SPATA13: variants seen among roughly 807,000 people sequenced by gnomAD.
SPATA13 encodes spermatogenesis-associated protein 13.
A neutral mutation model predicts 104.0 loss-of-function variants in SPATA13; 50 were observed. That is an observed-to-expected ratio of 0.48 (90% CI 0.38 to 0.61). The LOEUF (loss-of-function observed/expected upper bound fraction) is 0.61, where lower values mean the gene tolerates loss of function less well. Ranked by LOEUF, SPATA13 falls within the 20% of genes least tolerant of loss-of-function variation. The pLI, the probability that SPATA13 is intolerant of heterozygous loss-of-function variation, is 0.00. For missense variants in SPATA13, 1,524 were observed against 1,690.6 expected (o/e 0.90, Z 1.73); for synonymous variants, 606 against 667.5 (o/e 0.91, Z 1.42).
intron 3 of SPATA13, among the ~76,000 whole-genome samples, chr13:24,046,473 T>C (rs11839477): frequency 0.06 from 8,501 of 142,142 alleles, 341 homozygotes; most frequent in South Asian, 0.12. Context: ...ATTGTAGGGA[T>C]GGAGTCTTGC....
chr13:24,210,107 GTTAT>G (rs1870930197), intron 1 of SPATA13, among the ~76,000 whole-genome samples: 1 of 152,108 alleles, frequency 6.6e-6, no homozygotes, highest in Admixed American at 6.5e-5. Flanking sequence ...TTGTGATTGA[GTTAT>G]TTGTTTATTG....
intron 3 of SPATA13, among the ~76,000 whole-genome samples, chr13:24,060,046 A>G (rs976431715): frequency 6.6e-6 from 1 of 152,202 alleles, no homozygotes; most frequent in African/African-American, 2.4e-5. Context: ...GAGAAGTTCC[A>G]ATGACATTCT....
chr13:24,078,702 T>G (rs2137774988), intron 3 of SPATA13, among the ~76,000 whole-genome samples: 1 of 152,334 alleles, frequency 6.6e-6, no homozygotes, highest in South Asian at 2.1e-4. Context: ...AGTCATACTC[T>G]TAAGTGCATA....
At chr13:24,004,708 A>G (rs12429015) in intron 2 of SPATA13, among the ~76,000 whole-genome samples, 24,436 of 152,154 alleles carry the variant, frequency 0.16, 2,619 homozygotes, top group East Asian at 0.52. Context: ...GAAAATTTAC[A>G]TTCCATACGA....
In SPATA13 at chr13:24,224,062, C is replaced by T. The variant is rs949034997; in HGVS notation, c.1133C>T (p.Ala378Val). Residue 378 changes from alanine (A) to valine (V), a missense_variant, in exon 2 of 13, where the codon GCG (alanine) becomes GTG (valine). Physicochemically the swap from Ala to Val is moderately conservative, Grantham distance 64. Coordinates refer to ENST00000382108, the MANE Select transcript of SPATA13 (RefSeq NM_001166271.3). ...GAGCAGGACAGCAGGCGGGGCGGGG[C>T]GGTCATGCATGGGACCACTGCAACC... Reference protein sequence around the residue: ...STEQDSRRGGAVMHGTTATCT... With the variant: ...STEQDSRRGGVVMHGTTATCT... 4 of 1,548,770 alleles carry T rather than the reference C, an allele frequency of 2.6e-6. No individual in the cohort carries two copies. Among genetic ancestry groups the T allele is most frequent in the Non-Finnish European group, 3.5e-6 (4 of 1,145,530 alleles).
intron 9 of SPATA13, 133 bp downstream of exon 9, chr13:24,291,017 T>C (rs1171185832): frequency 4.0e-5 from 28 of 691,880 alleles, no homozygotes; most frequent in Non-Finnish European, 6.1e-5. Flanking sequence ...GGAGAAGTTT[T>C]CAGGTTGTTT....
chr13:24,054,142 A>C (rs1027648340), intron 3 of SPATA13, among the ~76,000 whole-genome samples: 1 of 152,106 alleles, frequency 6.6e-6, no homozygotes, highest in African/African-American at 2.4e-5. Context: ...GAGTCAGGTC[A>C]AGGACACCAT....
chr13:24,066,311 A>G (rs1878962130), intron 3 of SPATA13, among the ~76,000 whole-genome samples: 1 of 152,014 alleles, frequency 6.6e-6, no homozygotes, highest in African/African-American at 2.4e-5. Context: ...ACCTCATTTC[A>G]CCTGACCCTC....
intron 8 of SPATA13, among the ~76,000 whole-genome samples, chr13:24,290,373 C>T (rs1215800523): frequency 6.6e-6 from 1 of 152,140 alleles, no homozygotes; most frequent in Non-Finnish European, 1.5e-5. Context: ...GAGCGTGAGG[C>T]AGGCTAGAAA....
At position 24,286,651 on chromosome 13, in the gene SPATA13, C is replaced by T; in HGVS notation, c.2482-114C>T. 1 of 1,047,942 alleles carries T rather than the reference C, an allele frequency of 9.5e-7. No individual in the cohort carries two copies. The highest frequency in any genetic ancestry group is 1.4e-6 in the Non-Finnish European group (1 of 731,196). The allele number at this position is 1,047,942 out of a possible 1,614,324, so 64.9% of individuals were successfully genotyped here. Reference sequence around the variant, plus strand: ...GAGGCCATGAGACTCAGGCGAGGGCCAGGCTGCCTTCCTAACAGGTCACAG... The same window carrying T: ...GAGGCCATGAGACTCAGGCGAGGGCTAGGCTGCCTTCCTAACAGGTCACAG... On this transcript the variant is annotated intron_variant, in intron 6 of 12. Transcript: ENST00000382108. This position sits in a 1 kb window ranked among gnomAD's most constrained non-coding sequence, Gnocchi z 4.9.
intron 4 of SPATA13, chr13:24,271,011 ACTCT>A (rs1874561615): frequency 1.1e-5 from 7 of 663,596 alleles, no homozygotes; most frequent in Admixed American, 2.3e-5. Context: ...CTCTCTCTCC[ACTCT>A]CTCTCACTCT....
At chr13:24,171,881 A>G (rs1882984314) in intron 1 of SPATA13, among the ~76,000 whole-genome samples, 1 of 152,228 alleles carries the variant, frequency 6.6e-6, no homozygotes, top group Non-Finnish European at 1.5e-5. Flanking sequence ...TTAAGGCAGT[A>G]TATAATTGTA....
chr13:24,210,950 C>T (rs1163487648), intron 1 of SPATA13, among the ~76,000 whole-genome samples: 1 of 151,984 alleles, frequency 6.6e-6, no homozygotes, highest in Admixed American at 6.6e-5. Context: ...GTGTACAGAT[C>T]TTTCACCTCC....
At position 24,224,360 on chromosome 13, in the gene SPATA13, C is replaced by T. The variant is rs1334102971; in HGVS notation, c.1431C>T (p.Pro477=). Residue 477 remains proline, a synonymous_variant, in exon 2 of 13, where the codon CCC becomes CCT. Coordinates refer to ENST00000382108, the MANE Select transcript of SPATA13 (RefSeq NM_001166271.3). ...CCAAGCCCCAGAGCCCTCAGAGCCC[C>T]CAGAGCCCCGGGGCAGGAAGTGCCA... The part of the protein sequence containing the change: ...TTPKPQSPQS[P]QSPGAGSASC... The T allele has an allele frequency of 9.7e-6, 15 of 1,548,504 alleles. No individual in the cohort carries two copies. The highest frequency in any genetic ancestry group is 1.3e-5 in the Non-Finnish European group (15 of 1,144,358).
chr13:23,999,508 G>T (rs1056413917), intron 2 of SPATA13, among the ~76,000 whole-genome samples: 5 of 151,194 alleles, frequency 3.3e-5, no homozygotes, highest in African/African-American at 4.9e-5. Flanking sequence ...ATTTTATTTT[G>T]CCTGAACAGC....
Position 24,223,245 on chromosome 13 carries a change from G to T in SPATA13, c.316G>T (p.Ala106Ser), listed in dbSNP as rs143142817. Reference protein sequence around the residue: ...VGNSSTWNTLASFRKMGSFKK... With the variant: ...VGNSSTWNTLSSFRKMGSFKK... ...GAACTCCTCCACATGGAACACCCTC[G>T]CCTCCTTCCGGAAAATGGGATCCTT... is the stretch of plus-strand genomic sequence containing the variant. Residue 106 changes from alanine (A) to serine (S), a missense_variant, in exon 2 of 13, where the codon GCC becomes TCC. By Grantham distance (99) the Ala-to-Ser change is moderately conservative (BLOSUM62 1). Transcript: ENST00000382108. The T allele has an allele frequency of 9.7e-6, 15 of 1,551,650 alleles. No homozygotes were observed. The African/African-American group carries it at 1.5e-4, about 16-fold the overall frequency.
chr13:24,144,303 G>C (rs1033326523), intron 3 of SPATA13, among the ~76,000 whole-genome samples: 1 of 152,112 alleles, frequency 6.6e-6, no homozygotes, highest in South Asian at 2.1e-4. Flanking sequence ...GGGCGAGAGC[G>C]GGTACTCATC....
At chr13:24,065,666 A>T (rs1014823038) in intron 3 of SPATA13, among the ~76,000 whole-genome samples, 3 of 152,260 alleles carry the variant, frequency 2.0e-5, no homozygotes, top group Non-Finnish European at 2.9e-5. Flanking sequence ...TTTATTATTG[A>T]TGAATAGATG....
At chr13:24,168,463 A>T (rs1026099327) in intron 1 of SPATA13, among the ~76,000 whole-genome samples, 24 of 152,110 alleles carry the variant, frequency 1.6e-4, no homozygotes, top group Non-Finnish European at 2.6e-4. Context: ...GCCCCAGTAC[A>T]CTTCAGTGTT....
Sources: allele counts gnomAD v4.1 joint callset (sites outside exome capture counted in the v4.1 genomes callset), GRCh38; gene constraint gnomAD v4.1.1; non-coding constraint Gnocchi (gnomAD v3.1); transcripts MANE v1.5; gene names NCBI Gene and HGNC (gene_info 2026-07-23, HGNC 2026-07-21).